NLRC3: variants seen among roughly 807,000 people sequenced by gnomAD.
NLRC3 encodes the protein NLR family CARD domain-containing protein 3.
NLRC3 carries 87 observed loss-of-function variants against 91.6 expected under a neutral mutation model. That is an observed-to-expected ratio of 0.95 (90% CI 0.80 to 1.14). NLRC3 has a LOEUF of 1.14. NLRC3 is among the 50% of genes most tolerant of loss of function. The probability of loss-of-function intolerance (pLI) is 0.00; values close to 1 mark genes in which losing one functional copy is unlikely to be tolerated. For missense variants in NLRC3, 1,577 were observed against 1,418.6 expected, an observed-to-expected ratio of 1.11 and a Z score of -1.79; for synonymous variants, 694 against 625.3, an observed-to-expected ratio of 1.11 and a Z score of -1.64.
chr16:3,544,387 G>C, intron 15 of NLRC3, 58 bp from the exon 16 acceptor site: 1 of 1,239,108 alleles, frequency 8.1e-7, no homozygotes, highest in Non-Finnish European at 1.2e-6. Context: ...TTCTAGCAAG[G>C]CCCTGCCGCA....
At chr16:3,568,531 C>G (rs1275855638) in intron 1 of NLRC3, among the ~76,000 whole-genome samples, 1 of 152,164 alleles carries the variant, frequency 6.6e-6, no homozygotes, top group African/African-American at 2.4e-5. Flanking sequence ...TGAGACCAGC[C>G]TGGGCAAAGT....
At chr16:3,551,156 C>T (rs2038975587) in intron 10 of NLRC3, among the ~76,000 whole-genome samples, 1 of 150,460 alleles carries the variant, frequency 6.6e-6, no homozygotes, top group African/African-American at 2.4e-5. Context: ...CACCTATTCT[C>T]CACTAATTCA....
At chr16:3,562,442 A>G (rs574912628) in intron 5 of NLRC3, among the ~76,000 whole-genome samples, 1 of 152,248 alleles carries the variant, frequency 6.6e-6, no homozygotes, top group Admixed American at 6.5e-5. Context: ...GGAGTTTGAG[A>G]GCAGCCTGGC....
intron 16 of NLRC3, 159 bp downstream of exon 16, chr16:3,544,087 G>A (rs2038554168): frequency 1.7e-6 from 1 of 590,744 alleles, no homozygotes; most frequent in East Asian, 2.8e-5. Context: ...GAACCCAGGA[G>A]GTGGAGGTTA....
intron 15 of NLRC3, 122 bp from the exon 16 acceptor site, chr16:3,544,451 TC>T (rs1384652087): frequency 1.5e-5 from 10 of 681,712 alleles, no homozygotes; most frequent in Non-Finnish European, 2.6e-5. Flanking sequence ...TCCCAGGGTT[TC>T]CTGGGGATAA....
intron 8 of NLRC3, among the ~76,000 whole-genome samples, chr16:3,554,768 A>G (rs1029936828): frequency 1.3e-5 from 2 of 152,188 alleles, no homozygotes; most frequent in Non-Finnish European, 1.5e-5. Context: ...ATTCCTAGGT[A>G]TATCCTCAAA....
At chr16:3,557,887 C>T (rs2039423122) in intron 6 of NLRC3, among the ~76,000 whole-genome samples, 1 of 152,128 alleles carries the variant, frequency 6.6e-6, no homozygotes, top group African/African-American at 2.4e-5. Context: ...GAGGACAGAC[C>T]CTCATCATGG....
chr16:3,560,283 T>C (rs2039545357), intron 6 of NLRC3, among the ~76,000 whole-genome samples: 1 of 151,866 alleles, frequency 6.6e-6, no homozygotes, highest in African/African-American at 2.4e-5. Flanking sequence ...ATTAGCTGGG[T>C]GTGGTGGCAT....
At chr16:3,561,817 G>C (rs1272859285) in intron 5 of NLRC3, 29 bp from the exon 6 acceptor site, 1 of 1,562,066 alleles carries the variant, frequency 6.4e-7, no homozygotes, top group South Asian at 1.1e-5. Flanking sequence ...GACAGTGAGT[G>C]TCCCACCCGC....
At chr16:3,561,574 G>A (rs2039612712) in intron 6 of NLRC3, 128 bp downstream of exon 6, 1 of 634,810 alleles carries the variant, frequency 1.6e-6, no homozygotes, top group Admixed American at 2.7e-5. Context: ...GCTGCATCTG[G>A]AGCCACATGC....
intron 1 of NLRC3, among the ~76,000 whole-genome samples, chr16:3,571,002 T>TA (rs1367624723): frequency 6.6e-6 from 1 of 152,126 alleles, no homozygotes; most frequent in Admixed American, 6.6e-5. Context: ...TCCATATATG[T>TA]AAAAAATGTG....
rs1268232955 is a variant in NLRC3, at chr16:3,564,608, T to G, written c.329A>C (p.Glu110Ala). The change falls in exon 5 of 20, where the codon GAG (glutamate) becomes GCG (alanine). Residue 110 changes from glutamate (E) to alanine (A), a missense_variant. Transcript: ENST00000359128. This position sits in a 1 kb window ranked among gnomAD's most constrained non-coding sequence, Gnocchi z 5.9. ...QLREHDFTQV[E>A]ATRGGGHPAR... ...GGGGTGCCCGCCCCCGCGGGTGGCC[T>G]CCACCTGTGTGAAGTCGTGTTCCCT... 1 of 1,610,458 alleles carries G rather than the reference T, an allele frequency of 6.2e-7. No individual in the cohort carries two copies. The highest frequency in any genetic ancestry group is 8.5e-7 in the Non-Finnish European group (1 of 1,179,742).
intron 2 of NLRC3, among the ~76,000 whole-genome samples, chr16:3,565,685 C>CA (rs1400507894): frequency 2.0e-5 from 3 of 151,924 alleles, no homozygotes; most frequent in South Asian, 2.1e-4. Flanking sequence ...TAGGGTACTA[C>CA]AGTGGTGGGT....
chr16:3,552,286 G>A lies in NLRC3; in HGVS notation c.2268-7C>T. ...GATGCTGTTCTTCTGCAGGCTGTGGGAGAAAAGAGAGGGGTCCTTTAGAAA... is the reference window on the plus strand; with the variant it reads ...GATGCTGTTCTTCTGCAGGCTGTGGAAGAAAAGAGAGGGGTCCTTTAGAAA... On this transcript the variant is annotated splice_polypyrimidine_tract_variant and splice_region_variant and intron_variant, in intron 9 of 19. Transcript: ENST00000359128. The A allele has an allele frequency of 6.2e-7, 1 of 1,605,076 alleles. No homozygotes were observed. The highest frequency in any genetic ancestry group is 8.5e-7 in the Non-Finnish European group (1 of 1,171,880).
intron 15 of NLRC3, among the ~76,000 whole-genome samples, chr16:3,547,023 C>T (rs1161268669): frequency 5.9e-5 from 9 of 152,118 alleles, no homozygotes; most frequent in African/African-American, 9.7e-5. Flanking sequence ...AGTTCCCTCA[C>T]GCCCCAGCGA....
chr16:3,562,943 G>A (rs917238005), intron 5 of NLRC3, 66 bp downstream of exon 5: 3 of 1,379,676 alleles, frequency 2.2e-6, no homozygotes, highest in Admixed American at 2.0e-5. Flanking sequence ...TGGTGGTGGG[G>A]AGGGGACGGC....
At chr16:3,573,425 TCA>T (rs141606063) in intron 1 of NLRC3, among the ~76,000 whole-genome samples, 1 of 152,028 alleles carries the variant, frequency 6.6e-6, no homozygotes, top group Non-Finnish European at 1.5e-5. Context: ...AGACCCTGTC[TCA>T]CACACACACA....
At chr16:3,559,201 C>A (rs2039492044) in intron 6 of NLRC3, among the ~76,000 whole-genome samples, 1 of 152,290 alleles carries the variant, frequency 6.6e-6, no homozygotes. Flanking sequence ...TTCTCAAATT[C>A]TAGAGTGCTT....
At chr16:3,543,799 T>G (rs2038539993) in intron 16 of NLRC3, 3 of 435,144 alleles carry the variant, frequency 6.9e-6, no homozygotes, top group Non-Finnish European at 1.3e-5. Flanking sequence ...AGCCCCCAAC[T>G]GCTAATATCA....
Sources: allele counts gnomAD v4.1 joint callset (sites outside exome capture counted in the v4.1 genomes callset), GRCh38; gene constraint gnomAD v4.1.1; non-coding constraint Gnocchi (gnomAD v3.1); transcripts MANE v1.5; gene names NCBI Gene and HGNC (gene_info 2026-07-23, HGNC 2026-07-21).